The following BCL2L13 variants were observed in gnomAD, a reference collection of about 807,000 sequenced individuals.
BCL2L13 encodes bcl-2-like protein 13.
BCL2L13 carries 13 observed loss-of-function variants against 25.8 expected under a neutral mutation model. That is an observed-to-expected ratio of 0.50 (90% confidence interval 0.33 to 0.80). The LOEUF (loss-of-function observed/expected upper bound fraction) is 0.80, where lower values mean the gene tolerates loss of function less well. Ranked by LOEUF, BCL2L13 falls within the 30% of genes least tolerant of loss-of-function variation. The probability of loss-of-function intolerance (pLI) is 0.02; values close to 1 mark genes in which losing one functional copy is unlikely to be tolerated. For missense variants in BCL2L13, 504 were observed against 574.9 expected (o/e 0.88, Z 1.26); for synonymous variants, 244 against 230.3 (o/e 1.06, Z -0.54).
In BCL2L13 at chr22:17,727,701, G is replaced by A; in HGVS notation, c.*167G>A. Reference sequence around the variant, plus strand: ...TAGGCATGTTAGGGCTTGAGGTGGGGCATTCACATTCATCTGACTGTAAAT... The same window carrying A: ...TAGGCATGTTAGGGCTTGAGGTGGGACATTCACATTCATCTGACTGTAAAT... On this transcript the variant is annotated 3_prime_UTR_variant, in exon 7 of 7. Transcript: ENST00000317582. 2.3e-6 allele frequency: 2 copies of A among 868,582 alleles called. No homozygotes were observed. Among genetic ancestry groups the A allele is most frequent in the Non-Finnish European group, 3.5e-6 (2 of 578,864 alleles). The allele number at this position is 868,582 out of a possible 1,614,324, so 53.8% of individuals were successfully genotyped here. A position where few individuals can be genotyped will look rare whatever the true frequency, so the allele number is the denominator to read the frequency against.
At chr22:17,715,141 TA>T (rs1569007423) in intron 6 of BCL2L13, among the ~76,000 whole-genome samples, 172 of 6,930 alleles carry the variant, frequency 0.025, 11 homozygotes, top group East Asian at 0.044. Flanking sequence ...TATATATATA[TA>T]TATATATATA....
Position 17,727,624 on chromosome 22 carries a change from T to C in BCL2L13, c.*90T>C. 6.5e-7 allele frequency: 1 copy of C among 1,530,844 alleles called. No homozygotes were observed. The highest frequency in any genetic ancestry group is 1.8e-5 in the Admixed American group (1 of 55,252). 94.8% of individuals were successfully genotyped at this position (1,530,844 alleles called of 1,614,324 possible). A position where few individuals can be genotyped will look rare whatever the true frequency, so the allele number is the denominator to read the frequency against. ...CCTCCAGCAGCTGTCTGGACATTTG[T>C]GGAACACTCTGGGATAATTGGGGAC... On this transcript the variant is annotated 3_prime_UTR_variant, in exon 7 of 7. Coordinates refer to ENST00000317582, the MANE Select transcript of BCL2L13 (RefSeq NM_015367.4).
chr22:17,718,908 C>G (rs1398211170), intron 6 of BCL2L13, among the ~76,000 whole-genome samples: 1 of 151,890 alleles, frequency 6.6e-6, no homozygotes, highest in Non-Finnish European at 1.5e-5. Flanking sequence ...CCTGTAATCC[C>G]AGCACTTTGG....
intron 6 of BCL2L13, among the ~76,000 whole-genome samples, chr22:17,721,343 T>A (rs1226476793): frequency 1.3e-5 from 2 of 152,138 alleles, no homozygotes; most frequent in African/African-American, 4.8e-5. Flanking sequence ...CCTGTTCATA[T>A]TTACATTCTT....
rs746569142 is a variant in BCL2L13, at chr22:17,727,279, A to T, written c.1203A>T (p.Ala401=). 1 of 1,614,260 alleles carries T rather than the reference A, an allele frequency of 6.2e-7. No individual in the cohort carries two copies. Among genetic ancestry groups the T allele is most frequent in the Non-Finnish European group, 8.5e-7 (1 of 1,180,046 alleles). Residue 401 remains alanine (A), a synonymous_variant, in exon 7 of 7, where the codon GCA becomes GCT. Transcript: ENST00000317582. ...CTGAAGTGGAGGAGGTGGTCCCCGC[A>T]CTGGAACCCACAGAAACGCTGCTGA... ...EPTEVEEVVP[A]LEPTETLLSE... is the part of the protein sequence containing the mutation.
chr22:17,709,305 A>G (rs57798858), intron 6 of BCL2L13, among the ~76,000 whole-genome samples: 2,248 of 152,160 alleles, frequency 0.015, 57 homozygotes, highest in African/African-American at 0.051. Flanking sequence ...TCAAAAATAT[A>G]AAACTGAGGC....
At chr22:17,712,804 T>TA in intron 6 of BCL2L13, among the ~76,000 whole-genome samples, 1 of 152,342 alleles carries the variant, frequency 6.6e-6, no homozygotes, top group African/African-American at 2.4e-5. Flanking sequence ...TTTCCCTAAG[T>TA]AAACAGTAGC....
intron 6 of BCL2L13, among the ~76,000 whole-genome samples, chr22:17,719,206 A>C (rs76281851): frequency 0.014 from 2,162 of 151,848 alleles, 55 homozygotes; most frequent in African/African-American, 0.049. Flanking sequence ...ATCCAACATA[A>C]AAACACAACT....
chr22:17,643,332 G>A (rs1044587885), intron 1 of BCL2L13, among the ~76,000 whole-genome samples: 12 of 151,072 alleles, frequency 7.9e-5, no homozygotes, highest in African/African-American at 2.2e-4. Context: ...CTTCACTCCC[G>A]ACCTCAGGTG....
At chr22:17,645,494 A>G (rs2058442852) in intron 1 of BCL2L13, among the ~76,000 whole-genome samples, 1 of 151,414 alleles carries the variant, frequency 6.6e-6, no homozygotes, top group Non-Finnish European at 1.5e-5. Flanking sequence ...AGTGCTGGGA[A>G]GTATAGGCGT....
chr22:17,638,084 C>T (rs1080199), upstream of BCL2L13: 52,101 of 152,068 alleles, frequency 0.34, 10,422 homozygotes, highest in African/African-American at 0.53. Flanking sequence ...CTAAAACACA[C>T]TGTATCCTCT....
At position 17,679,414 on chromosome 22, in the gene BCL2L13, C is replaced by T. The variant is rs188505067; in HGVS notation, c.122-3800C>T. 3.2e-3 allele frequency among the ~76,000 whole-genome samples: 478 copies of T among 151,722 alleles called. 8 individuals are homozygous for T. The highest frequency in any genetic ancestry group is 0.011 in the African/African-American group (442 of 41,326). ...CCTACCGAGTAGCTGTGATTACAGG[C>T]GCCTGCCACCATGCCTAGCAAATTT... On this transcript the variant is annotated intron_variant, in intron 2 of 6. Coordinates refer to ENST00000317582, the MANE Select transcript of BCL2L13 (RefSeq NM_015367.4).
chr22:17,705,703 T>A (rs5992796), intron 6 of BCL2L13, among the ~76,000 whole-genome samples: 17,620 of 152,146 alleles, frequency 0.12, 1,226 homozygotes, highest in African/African-American at 0.18. Flanking sequence ...CATTGACAGC[T>A]CTTAAAACCC....
At chr22:17,671,501 A>T (rs980949266) in intron 2 of BCL2L13, among the ~76,000 whole-genome samples, 2 of 149,718 alleles carry the variant, frequency 1.3e-5, no homozygotes, top group Admixed American at 1.3e-4. Flanking sequence ...TGGGCAGCAG[A>T]GGTTGAAGTG....
At chr22:17,692,344 T>G (rs1270965990) in intron 4 of BCL2L13, 1 of 152,232 alleles carries the variant, frequency 6.6e-6, no homozygotes, top group Non-Finnish European at 1.5e-5. Flanking sequence ...TTTCAAATCA[T>G]GTTTCATTCA....
chr22:17,716,679 G>A (rs2060954289), intron 6 of BCL2L13, among the ~76,000 whole-genome samples: 1 of 152,194 alleles, frequency 6.6e-6, no homozygotes, highest in Admixed American at 6.5e-5. Flanking sequence ...TCTAAATATT[G>A]TATGAGTTTG....
rs527864019 is a variant in BCL2L13 at position 17,666,224 on chromosome 22, T to A, written c.121+10392T>A. On this transcript the variant is annotated intron_variant, in intron 2 of 6. Transcript: ENST00000317582. ...TATTTTTATTTTTTATTTTTTTAAATTTTTTGAGTACATAGTAGGTGTATA... is the reference window on the plus strand; with the variant it reads ...TATTTTTATTTTTTATTTTTTTAAAATTTTTGAGTACATAGTAGGTGTATA... Among the ~76,000 whole-genome samples the A allele has an allele frequency of 9.9e-5, 15 of 152,122 alleles. No individual in the cohort carries two copies. The East Asian group carries it at 2.7e-3, about 27-fold the overall frequency.
In BCL2L13 at chr22:17,685,760, CTTTTTTTTTT is replaced by C. The variant is rs1166792513; in HGVS notation, c.229+2459_229+2468del. Among the ~76,000 whole-genome samples the C allele has an allele frequency of 6.1e-3, 372 of 60,580 alleles. 4 individuals are homozygous for C. Among genetic ancestry groups the C allele is most frequent in the African/African-American group, 0.02 (321 of 15,850 alleles). 39.7% of individuals were successfully genotyped at this position (60,580 alleles called of 152,430 possible). ...TATTGCCCAATAATTTTTTCTTTTT[CTTTTTTTTTT>C]TTTTTTTTTTTTTTTTTTTGAGACA... is the stretch of plus-strand genomic sequence containing the variant. On this transcript the variant is annotated intron_variant, in intron 3 of 6. Transcript: ENST00000317582.
At chr22:17,721,913 G>A (rs951858392) in intron 6 of BCL2L13, among the ~76,000 whole-genome samples, 9 of 152,050 alleles carry the variant, frequency 5.9e-5, no homozygotes, top group Non-Finnish European at 1.0e-4. Context: ...GCCCTGCTCG[G>A]CCTCCCAAAG....
Sources: gnomAD v4.1 joint callset for allele counts (sites outside exome capture counted in the v4.1 genomes callset) on GRCh38, gnomAD v4.1.1 for gene constraint, MANE v1.5 for transcripts, NCBI Gene and HGNC (gene_info 2026-07-23, HGNC 2026-07-21) for gene names.